PCBD2: variants seen among roughly 807,000 people sequenced by gnomAD.
PCBD2 encodes the protein pterin-4 alpha-carbinolamine dehydratase 2.
Under a neutral mutation model 16.4 loss-of-function variants are expected in PCBD2, and 12 were observed. The observed-to-expected ratio is 0.73, with a 90% confidence interval of 0.47 to 1.19. The LOEUF (loss-of-function observed/expected upper bound fraction) is 1.19, where lower values mean the gene tolerates loss of function less well. Among genes scored for constraint, PCBD2 ranks in the 50% most tolerant of loss-of-function variants. The probability of loss-of-function intolerance (pLI) is 0.00; values close to 1 mark genes in which losing one functional copy is unlikely to be tolerated. For synonymous variants in PCBD2, 58 were observed against 61.8 expected (o/e 0.94, Z 0.29); for missense variants, 138 against 156.8 (o/e 0.88, Z 0.64).
chr5:134,912,266 G>A (rs1197588519), intron 2 of PCBD2, among the ~76,000 whole-genome samples: 1 of 152,214 alleles, frequency 6.6e-6, no homozygotes, highest in Admixed American at 6.5e-5. Flanking sequence ...ATATCCGGGG[G>A]TCAGTTTTCC....
At chr5:134,913,761 G>A (rs1750796687) in intron 2 of PCBD2, among the ~76,000 whole-genome samples, 1 of 152,132 alleles carries the variant, frequency 6.6e-6, no homozygotes, top group South Asian at 2.1e-4. Context: ...GGTATCAGTG[G>A]GGATGGAGAG....
chr5:134,945,628 C>T (rs1751283376), intron 2 of PCBD2, among the ~76,000 whole-genome samples: 1 of 152,126 alleles, frequency 6.6e-6, no homozygotes, highest in African/African-American at 2.4e-5. Context: ...ATTTTTGACA[C>T]AGAGACTTAA....
intron 2 of PCBD2, among the ~76,000 whole-genome samples, chr5:134,958,695 A>G (rs1270692387): frequency 6.6e-6 from 1 of 152,238 alleles, no homozygotes; most frequent in Non-Finnish European, 1.5e-5. Context: ...ATTTGGAGCC[A>G]GGTAGTGAGA....
intron 2 of PCBD2, among the ~76,000 whole-genome samples, chr5:134,955,961 C>T (rs1209542772): frequency 6.6e-6 from 1 of 152,134 alleles, no homozygotes; most frequent in Non-Finnish European, 1.5e-5. Context: ...TTGAGTTTTG[C>T]CTTTTTTCTC....
chr5:134,929,680 T>C (rs2149535062), intron 2 of PCBD2, among the ~76,000 whole-genome samples: 1 of 152,316 alleles, frequency 6.6e-6, no homozygotes, highest in Non-Finnish European at 1.5e-5. Context: ...TCTTTCAGAC[T>C]TATTTTTTAA....
At chr5:134,944,228 G>A (rs1751265155) in intron 2 of PCBD2, among the ~76,000 whole-genome samples, 1 of 152,136 alleles carries the variant, frequency 6.6e-6, no homozygotes, top group Admixed American at 6.5e-5. Context: ...GCCTAGTAAG[G>A]TTTTGCATGT....
chr5:134,939,814 C>T (rs1299936914), intron 2 of PCBD2, among the ~76,000 whole-genome samples: 1 of 152,156 alleles, frequency 6.6e-6, no homozygotes, highest in Non-Finnish European at 1.5e-5. Context: ...CCAAAGAGGT[C>T]CTTTATGCCA....
chr5:134,922,686 G>A (rs1244644243), intron 2 of PCBD2, among the ~76,000 whole-genome samples: 4 of 146,926 alleles, frequency 2.7e-5, no homozygotes, highest in Non-Finnish European at 4.5e-5. Context: ...TTTTTGAGAC[G>A]GAGTCTCGCT....
rs369445339 is a variant in PCBD2, at chr5:134,960,711, A to G, written c.*30A>G. The G allele has an allele frequency of 2.4e-4, 369 of 1,515,088 alleles. No homozygotes were observed. Among genetic ancestry groups the G allele is most frequent in the Middle Eastern group, 5.5e-4 (3 of 5,416 alleles). 93.9% of individuals were successfully genotyped at this position (1,515,088 alleles called of 1,614,324 possible). On this transcript the variant is annotated 3_prime_UTR_variant, in exon 4 of 4. Coordinates refer to ENST00000254908, the MANE Select transcript of PCBD2 (RefSeq NM_032151.5). ...TTCCAAAATACATGTAAAATCTTGTACACATCTTAGCTGCAATGTATGTTG... is the reference window on the plus strand; with the variant it reads ...TTCCAAAATACATGTAAAATCTTGTGCACATCTTAGCTGCAATGTATGTTG...
At chr5:134,911,902 A>G (rs1427821260) in intron 2 of PCBD2, among the ~76,000 whole-genome samples, 1 of 152,242 alleles carries the variant, frequency 6.6e-6, no homozygotes, top group Non-Finnish European at 1.5e-5. Flanking sequence ...AAGCCTGTGC[A>G]TAAGCTCTAG....
At chr5:134,910,569 A>G (rs1750756336) in intron 2 of PCBD2, 103 bp downstream of exon 2, 2 of 1,335,494 alleles carry the variant, frequency 1.5e-6, no homozygotes, top group Admixed American at 2.1e-5. Context: ...TAGATCTAGG[A>G]TTCAACTCTT....
At chr5:134,945,260 A>G (rs1335691229) in intron 2 of PCBD2, among the ~76,000 whole-genome samples, 2 of 152,176 alleles carry the variant, frequency 1.3e-5, no homozygotes, top group Non-Finnish European at 2.9e-5. Context: ...TGGGATTGCA[A>G]ATGAGCTGAG....
Position 134,915,436 on chromosome 5 carries a change from ATTT to A in PCBD2, c.216+4996_216+4998del, listed in dbSNP as rs760173801. Among the ~76,000 whole-genome samples, 152 of 114,156 alleles carry A rather than the reference ATTT, an allele frequency of 1.3e-3. 2 individuals are homozygous for A. In the East Asian group the frequency reaches 0.019, roughly 14 times the overall value. The allele number at this position is 114,156 out of a possible 152,430, so 74.9% of individuals were successfully genotyped here. Reference sequence around the variant, plus strand: ...TCTATTAAAGCCTGATGGGCCTCTAATTTTTTTTTTTTTTTTTTTTTTTTTTTT... The same window carrying A: ...TCTATTAAAGCCTGATGGGCCTCTAATTTTTTTTTTTTTTTTTTTTTTTTT... On this transcript the variant is annotated intron_variant, in intron 2 of 3. Transcript: ENST00000254908.
intron 1 of PCBD2, among the ~76,000 whole-genome samples, chr5:134,909,885 A>G (rs1395387316): frequency 6.6e-6 from 1 of 152,208 alleles, no homozygotes; most frequent in Non-Finnish European, 1.5e-5. Flanking sequence ...CCTGAGCAAC[A>G]TGGTGAAAAT....
intron 2 of PCBD2, among the ~76,000 whole-genome samples, chr5:134,913,651 C>T (rs1324679601): frequency 2.0e-5 from 3 of 152,142 alleles, no homozygotes; most frequent in African/African-American, 4.8e-5. Context: ...CCTGGCTGTT[C>T]TGCTCAGAAT....
At chr5:134,926,771 G>A in intron 2 of PCBD2, 1 of 397,892 alleles carries the variant, frequency 2.5e-6, no homozygotes, top group Non-Finnish European at 4.4e-6. Context: ...TGTTGTTAAT[G>A]TGGTGGCTGA....
In PCBD2 at chr5:134,935,270, C is replaced by G. The variant is rs531748205; in HGVS notation, c.217-23770C>G. 2.2e-4 allele frequency among the ~76,000 whole-genome samples: 34 copies of G among 152,284 alleles called. No homozygotes were observed. The South Asian group carries it at 4.8e-3, about 21-fold the overall frequency. On this transcript the variant is annotated intron_variant, in intron 2 of 3. Coordinates refer to ENST00000254908, the MANE Select transcript of PCBD2 (RefSeq NM_032151.5). Reference sequence around the variant, plus strand: ...AAATGTAACTGTTGACTCTGCTGCCCGTGCCTGACTGCGCCACTGCATCTG... The same window carrying G: ...AAATGTAACTGTTGACTCTGCTGCCGGTGCCTGACTGCGCCACTGCATCTG...
intron 2 of PCBD2, among the ~76,000 whole-genome samples, chr5:134,912,459 T>A (rs1368032710): frequency 6.6e-6 from 1 of 152,116 alleles, no homozygotes; most frequent in African/African-American, 2.4e-5. Context: ...TGAGCCCATA[T>A]AGGATTTGGG....
intron 2 of PCBD2, chr5:134,924,123 A>G: frequency 2.5e-6 from 1 of 398,178 alleles, no homozygotes; most frequent in Non-Finnish European, 4.5e-6. Flanking sequence ...TGCAAGAATA[A>G]TGATGTATGC....
Sources: gnomAD v4.1 joint callset for allele counts (sites outside exome capture counted in the v4.1 genomes callset) on GRCh38, gnomAD v4.1.1 for gene constraint, MANE v1.5 for transcripts, NCBI Gene and HGNC (gene_info 2026-07-23, HGNC 2026-07-21) for gene names.